The following HM13 variants were observed in gnomAD, a reference collection of about 807,000 sequenced individuals.
HM13 encodes histocompatibility minor 13.
In HM13, 18 loss-of-function variants were observed where a neutral mutation model predicts 50.0. The ratio of observed to expected loss-of-function variants is 0.36; its 90% CI spans 0.25 to 0.53. The LOEUF (loss-of-function observed/expected upper bound fraction) is 0.53, where lower values mean the gene tolerates loss of function less well. Ranked by LOEUF, HM13 falls within the 20% of genes least tolerant of loss-of-function variation. The pLI, the probability that HM13 is intolerant of heterozygous loss-of-function variation, is 0.90. For synonymous variants in HM13, 197 were observed against 232.6 expected (o/e 0.85, Z 1.39); for missense variants, 393 against 552.4 (o/e 0.71, Z 2.89).
At chr20:31,568,296 C>A in intron 12 of HM13, 72 bp downstream of exon 12, 1 of 1,567,970 alleles carries the variant, frequency 6.4e-7, no homozygotes, top group South Asian at 1.2e-5. Context: ...GCAGACACTG[C>A]AGCTCCAGTG....
At position 31,547,532 on chromosome 20, in the gene HM13, G is replaced by A; in HGVS notation, c.455-1497G>A. 3 of 812,224 alleles carry A rather than the reference G, an allele frequency of 3.7e-6. 1 individual carries two copies. Among genetic ancestry groups the A allele is most frequent in the Middle Eastern group, 3.1e-4 (1 of 3,222 alleles). 50.3% of individuals were successfully genotyped at this position (812,224 alleles called of 1,614,324 possible). ...TTCAAGAAGTTTGATGAAAAGGAAA[G>A]TGTGTCCAACTGCATCCAGTTGAAA... On this transcript the variant is annotated intron_variant, in intron 4 of 12. Transcript: ENST00000398174.
intron 12 of HM13, 25 bp downstream of exon 12, chr20:31,568,249 G>A (rs1985045743): frequency 6.2e-7 from 1 of 1,608,290 alleles, no homozygotes; most frequent in East Asian, 2.2e-5. Context: ...GTGCCCACCT[G>A]CCCGCTTCCC....
rs375196964 is a variant in HM13 at position 31,527,601 on chromosome 20, G to A, written c.282+19G>A. 1 of 1,529,306 alleles carries A rather than the reference G, an allele frequency of 6.5e-7. No homozygotes were observed. Among genetic ancestry groups the A allele is most frequent in the East Asian group, 2.3e-5 (1 of 44,232 alleles). The allele number at this position is 1,529,306 out of a possible 1,614,324, so 94.7% of individuals were successfully genotyped here. On this transcript the variant is annotated intron_variant, in intron 2 of 12. Coordinates refer to ENST00000398174, the MANE Select transcript of HM13 (RefSeq NM_178581.3). The stretch of plus-strand genomic sequence containing the variant: ...TTTCAAAGTAAGTCTTTTGCCACCT[G>A]TTGTGTCATTTGATCTAAATGACTT...
intron 8 of HM13, 44 bp from the exon 9 acceptor site, chr20:31,559,567 C>A: frequency 6.2e-7 from 1 of 1,606,838 alleles, no homozygotes; most frequent in African/African-American, 1.3e-5. Flanking sequence ...GTTCACTGCC[C>A]TGCTGCTTCC....
At chr20:31,553,254 C>T (rs1984125369) in intron 7 of HM13, among the ~76,000 whole-genome samples, 1 of 150,212 alleles carries the variant, frequency 6.7e-6, no homozygotes. Flanking sequence ...CGATATTGCG[C>T]CACTGGACTC....
chr20:31,554,282 A>G (rs1984180136), intron 7 of HM13, among the ~76,000 whole-genome samples: 3 of 151,846 alleles, frequency 2.0e-5, no homozygotes, highest in African/African-American at 7.3e-5. Context: ...GAATCACTTG[A>G]GCCTAGGAGA....
chr20:31,547,832 ATAT>A, intron 4 of HM13: 3 of 937,874 alleles, frequency 3.2e-6, no homozygotes, highest in Non-Finnish European at 5.3e-6. Context: ...AGTGGCGCAA[ATAT>A]TATGTGTCCA....
At chr20:31,548,194 A>T in intron 4 of HM13, 1 of 678,384 alleles carries the variant, frequency 1.5e-6, no homozygotes, top group African/African-American at 1.8e-5. Flanking sequence ...AAAACAAATC[A>T]GGGTGCTCTT....
intron 7 of HM13, among the ~76,000 whole-genome samples, chr20:31,554,410 C>A (rs1984190942): frequency 6.6e-6 from 1 of 151,276 alleles, no homozygotes; most frequent in Non-Finnish European, 1.5e-5. Flanking sequence ...AGGCCGGGAG[C>A]GGTGGCTCAC....
Position 31,533,035 on chromosome 20 carries a change from G to T in HM13, c.283-5144G>T, listed in dbSNP as rs113307160. On this transcript the variant is annotated intron_variant, in intron 2 of 12. Transcript: ENST00000398174. ...CTAGAGTGTCCCCAGTAAGATTTCT[G>T]AAAGGCAGCTGCCTGGACAGCACAG... Among the ~76,000 whole-genome samples, 684 of 152,302 alleles carry T rather than the reference G, an allele frequency of 4.5e-3. 9 individuals carry two copies. The highest frequency in any genetic ancestry group is 0.016 in the African/African-American group (657 of 41,558).
chr20:31,516,140 A>G (rs1264680425), intron 1 of HM13, among the ~76,000 whole-genome samples: 1 of 152,162 alleles, frequency 6.6e-6, no homozygotes, highest in Non-Finnish European at 1.5e-5. Flanking sequence ...AGTTCAGGTG[A>G]TATTAAGCCT....
chr20:31,520,501 A>C (rs1392008551), intron 1 of HM13, among the ~76,000 whole-genome samples: 1 of 151,686 alleles, frequency 6.6e-6, no homozygotes, highest in African/African-American at 2.4e-5. Context: ...ACAGGGTTTC[A>C]CCATGTTGGC....
chr20:31,514,648 G>T lies in HM13; in HGVS notation c.97G>T (p.Ala33Ser). The T allele has an allele frequency of 6.4e-7, 1 of 1,573,062 alleles. No individual in the cohort carries two copies. The highest frequency in any genetic ancestry group is 8.6e-7 in the Non-Finnish European group (1 of 1,160,506). The change falls in exon 1 of 13, where the codon GCG becomes TCG. Residue 33 changes from alanine (A) to serine (S), a missense_variant. Physicochemically the swap from Ala to Ser is moderately conservative, Grantham distance 99. This residue lies in a region of HM13 where 214 missense variants were observed against 276.1 expected (regional missense o/e 0.77). Transcript: ENST00000398174. The surrounding 1 kb of genome is among the most constrained non-coding windows in gnomAD (Gnocchi z 4.3). ...GCCGCCTTCCACGCCCGAGGGCATC[G>T]CGCTGGCCTACGGCAGCCTCCTGCT... is the stretch of plus-strand genomic sequence containing the variant. Reference protein sequence around the residue: ...TRPPSTPEGIALAYGSLLLMA... With the variant: ...TRPPSTPEGISLAYGSLLLMA...
chr20:31,565,190 C>G (rs1300592865), intron 10 of HM13, among the ~76,000 whole-genome samples: 1 of 147,884 alleles, frequency 6.8e-6, no homozygotes, highest in Non-Finnish European at 1.5e-5. Flanking sequence ...AAGAAAGAAA[C>G]TCTTTGGGCT....
chr20:31,545,101 C>T, intron 4 of HM13, 66 bp downstream of exon 4: 1 of 1,278,406 alleles, frequency 7.8e-7, no homozygotes. Context: ...CCCTTTGTCT[C>T]TCCAATATTG....
At chr20:31,532,535 C>G (rs993045778) in intron 2 of HM13, among the ~76,000 whole-genome samples, 6 of 151,986 alleles carry the variant, frequency 3.9e-5, no homozygotes, top group Admixed American at 1.3e-4. Context: ...CACTTCACTC[C>G]AATATCCACC....
chr20:31,521,913 C>CA lies in HM13; in HGVS notation c.184-5568dup, dbSNP rs774536710. ...ATCTCCATGTTGCCCATGCTGGTCT[C>CA]AAACTCCTGGGCTCAACCGATCTGC... On this transcript the variant is annotated intron_variant, in intron 1 of 12. Coordinates refer to ENST00000398174, the MANE Select transcript of HM13 (RefSeq NM_178581.3). Among the ~76,000 whole-genome samples the CA allele has an allele frequency of 2.9e-3, 411 of 143,726 alleles. 3 individuals are homozygous for CA. Among genetic ancestry groups the CA allele is most frequent in the Middle Eastern group, 3.8e-3 (1 of 266 alleles). The allele number at this position is 143,726 out of a possible 152,430, so 94.3% of individuals were successfully genotyped here.
intron 1 of HM13, among the ~76,000 whole-genome samples, chr20:31,522,966 C>G (rs577442080): frequency 6.7e-6 from 1 of 149,396 alleles, no homozygotes; most frequent in Non-Finnish European, 1.5e-5. Flanking sequence ...GATGTTCATA[C>G]TGTGTGTCAC....
At chr20:31,517,883 T>C (rs932384007) in intron 1 of HM13, among the ~76,000 whole-genome samples, 6 of 152,190 alleles carry the variant, frequency 3.9e-5, no homozygotes, top group African/African-American at 1.4e-4. Context: ...CTGGGCACTA[T>C]TCCTTGGAAG....
Sources: gnomAD v4.1 joint callset for allele counts (sites outside exome capture counted in the v4.1 genomes callset) on GRCh38, gnomAD v4.1.1 for gene constraint, gnomAD v4.1.1 regional missense constraint, Gnocchi (gnomAD v3.1) non-coding constraint, MANE v1.5 for transcripts, NCBI Gene and HGNC (gene_info 2026-07-23, HGNC 2026-07-21) for gene names.